OTC: variants seen among roughly 807,000 people sequenced by gnomAD.
OTC encodes the protein ornithine transcarbamylase, mitochondrial.
OTC carries 3 observed loss-of-function variants against 30.3 expected under a neutral mutation model. The observed-to-expected ratio is 0.10, with a 90% CI of 0.05 to 0.26. The LOEUF (loss-of-function observed/expected upper bound fraction) is 0.26, where lower values mean the gene tolerates loss of function less well. Among genes scored for constraint, OTC ranks in the 10% least tolerant of loss-of-function variants. OTC has a pLI of 1.00. For synonymous variants in OTC, 111 were observed against 99.7 expected (o/e 1.11, Z -0.67); for missense variants, 194 against 260.3 (o/e 0.75, Z 1.75).
chrX:38,328,688 T>C, the OTC span, among the ~76,000 whole-genome samples: 1 of 111,475 alleles, frequency 9.0e-6, no homozygotes, highest in Admixed American at 9.5e-5. Flanking sequence ...CACTGAGAAG[T>C]TTTAGGCAGT....
intron 4 of OTC, among the ~76,000 whole-genome samples, chrX:38,400,093 T>G (rs1467019607): frequency 9.3e-6 from 1 of 107,380 alleles, no homozygotes; most frequent in Non-Finnish European, 1.9e-5. Context: ...TAAAATATCC[T>G]TTTTAAATTA....
intron 3 of OTC, 85 bp from the exon 4 acceptor site, chrX:38,381,257 T>C (rs2068374607): frequency 1.5e-6 from 1 of 661,848 alleles, no homozygotes. Flanking sequence ...GACTTTTCAG[T>C]TGAGATGATG....
In OTC at chrX:38,352,625, G is replaced by T; in HGVS notation, c.-72G>T. On this transcript the variant is annotated 5_prime_UTR_variant, in exon 1 of 10. Transcript: ENST00000039007. ...ACTGAACACATTTCTTAGTTTTTAG[G>T]TGGCCCCCGCTGGCTAACTTGCTGT... The T allele has an allele frequency of 1.3e-6, 1 of 785,752 alleles. No homozygotes were observed. Among genetic ancestry groups the T allele is most frequent in the Non-Finnish European group, 2.0e-6 (1 of 509,947 alleles). 64.8% of individuals were successfully genotyped at this position (785,752 alleles called of 1,213,427 possible).
At chrX:38,330,768 G>A in the OTC span, among the ~76,000 whole-genome samples, 167 of 111,768 alleles carry the variant, frequency 1.5e-3, 1 homozygote, top group Non-Finnish European at 1.7e-3. Flanking sequence ...GCTGTGTTGT[G>A]TTTTTTTGGG....
chrX:38,376,693 C>T (rs1381477607), intron 3 of OTC, among the ~76,000 whole-genome samples: 1 of 111,810 alleles, frequency 8.9e-6, no homozygotes. Context: ...AGTAGCTATA[C>T]TTATATCAGG....
At position 38,370,742 on chromosome X, in the gene OTC, T is replaced by C. The variant is rs763109029; in HGVS notation, c.298+865T>C. On this transcript the variant is annotated intron_variant, in intron 3 of 9. Transcript: ENST00000039007. ...GCTCTGCTGAGAGTCCCTGTTTTCCTTTTTTTTCTTTTCACCCGATAAACC... is the reference window on the plus strand; with the variant it reads ...GCTCTGCTGAGAGTCCCTGTTTTCCCTTTTTTTCTTTTCACCCGATAAACC... Among the ~76,000 whole-genome samples, 16 of 110,783 alleles carry C rather than the reference T, an allele frequency of 1.4e-4. No homozygotes were observed. The South Asian group carries it at 2.7e-3, about 19-fold the overall frequency.
Position 38,378,062 on chromosome X carries a change from C to A in OTC, c.299-3280C>A, listed in dbSNP as rs760966027. Among the ~76,000 whole-genome samples the A allele has an allele frequency of 1.6e-3, 169 of 107,576 alleles. 1 individual carries two copies. Among genetic ancestry groups the A allele is most frequent in the Admixed American group, 3.8e-3 (37 of 9,796 alleles). The allele number at this position is 107,576 out of a possible 115,157, so 93.4% of individuals were successfully genotyped here. On this transcript the variant is annotated intron_variant, in intron 3 of 9. Transcript: ENST00000039007. ...TGTTGGCCAGACTGGTCACAAACTC[C>A]TGACCTCAGGTGATCCGCCCACCTT...
At chrX:38,337,621 C>T in the OTC span, among the ~76,000 whole-genome samples, 6 of 111,815 alleles carry the variant, frequency 5.4e-5, no homozygotes, top group East Asian at 2.8e-4. Flanking sequence ...CCGTATTCAC[C>T]GCTTGGATTC....
At chrX:38,371,501 G>A (rs2068322920) in intron 3 of OTC, among the ~76,000 whole-genome samples, 1 of 111,881 alleles carries the variant, frequency 8.9e-6, no homozygotes, top group Admixed American at 9.5e-5. Flanking sequence ...TCTACCTTAC[G>A]AGTGTCAGAG....
At chrX:38,329,406 G>A in the OTC span, among the ~76,000 whole-genome samples, 1 of 111,781 alleles carries the variant, frequency 8.9e-6, no homozygotes, top group Non-Finnish European at 1.9e-5. Context: ...AAGCAGGCTT[G>A]AGATACTTGC....
At chrX:38,332,584 G>A in the OTC span, among the ~76,000 whole-genome samples, 1 of 94,729 alleles carries the variant, frequency 1.1e-5, no homozygotes. Flanking sequence ...TGAAATATTA[G>A]GTAATGCATG....
At chrX:38,373,259 C>T (rs2068331123) in intron 3 of OTC, among the ~76,000 whole-genome samples, 1 of 111,930 alleles carries the variant, frequency 8.9e-6, no homozygotes, top group Non-Finnish European at 1.9e-5. Context: ...ATCACAGATT[C>T]ATTTTGCCTA....
rs1229204323 is a variant in OTC, at chrX:38,385,823, G to A, written c.386+4394G>A. ...TTAGAACTTATTTATGGCCGGGTGT[G>A]TTGGCTCACGCCTGTAATCCCAGCA... is the stretch of plus-strand genomic sequence containing the variant. On this transcript the variant is annotated intron_variant, in intron 4 of 9. Transcript: ENST00000039007. Among the ~76,000 whole-genome samples, 5 of 112,278 alleles carry A rather than the reference G, an allele frequency of 4.5e-5. No individual in the cohort carries two copies. In the Admixed American group the frequency reaches 4.7e-4, roughly 11 times the overall value.
At chrX:38,362,670 C>A (rs2068277926) in intron 1 of OTC, among the ~76,000 whole-genome samples, 1 of 111,802 alleles carries the variant, frequency 8.9e-6, no homozygotes, top group Non-Finnish European at 1.9e-5. Flanking sequence ...TTAACCCTAA[C>A]CCTAACTACA....
chrX:38,401,073 G>T (rs1288236834), intron 4 of OTC, among the ~76,000 whole-genome samples: 1 of 111,946 alleles, frequency 8.9e-6, no homozygotes, highest in Non-Finnish European at 1.9e-5. Flanking sequence ...CTGGTCACTG[G>T]ATAAGTCGTG....
At chrX:38,328,665 G>C in the OTC span, among the ~76,000 whole-genome samples, 1 of 112,063 alleles carries the variant, frequency 8.9e-6, no homozygotes, top group Non-Finnish European at 1.9e-5. Flanking sequence ...TTATCCTAAA[G>C]ACAATGTGAA....
chrX:38,421,693 T>C (rs2147350202), downstream of OTC, among the ~76,000 whole-genome samples: 2 of 112,444 alleles, frequency 1.8e-5, no homozygotes, highest in East Asian at 5.6e-4. Context: ...TGGGGAATCC[T>C]CCAAGAGCAT....
intron 6 of OTC, among the ~76,000 whole-genome samples, chrX:38,406,413 G>A (rs1339281630): frequency 8.9e-6 from 1 of 112,031 alleles, no homozygotes; most frequent in Non-Finnish European, 1.9e-5. Context: ...TACTTAGAGT[G>A]AACTGGGTGT....
intron 4 of OTC, among the ~76,000 whole-genome samples, chrX:38,384,268 C>T (rs1288696005): frequency 1.8e-5 from 2 of 111,269 alleles, no homozygotes; most frequent in Non-Finnish European, 3.8e-5. Context: ...CCTCAGGGCA[C>T]AAAGAGAACA....
Sources: allele counts gnomAD v4.1 joint callset (sites outside exome capture counted in the v4.1 genomes callset), GRCh38; gene constraint gnomAD v4.1.1; transcripts MANE v1.5; gene names NCBI Gene and HGNC (gene_info 2026-07-23, HGNC 2026-07-21).